The following PTPRD variants were observed in gnomAD, a reference collection of about 807,000 sequenced individuals.
PTPRD encodes receptor-type tyrosine-protein phosphatase delta.
PTPRD carries 34 observed loss-of-function variants against 214.5 expected under a neutral mutation model. That is an observed-to-expected ratio of 0.16 (90% CI 0.12 to 0.21). The LOEUF (loss-of-function observed/expected upper bound fraction) is 0.21, where lower values mean the gene tolerates loss of function less well. PTPRD is among the 10% of genes least tolerant of loss of function. The pLI is 1.00. For synonymous variants in PTPRD, 1,128 were observed against 845.7 expected (o/e 1.33, Z -5.79); for missense variants, 2,545 against 2,398.7 (o/e 1.06, Z -1.27).
chr9:8,441,050 A>G (rs1590554389), intron 34 of PTPRD, among the ~76,000 whole-genome samples: 2 of 152,138 alleles, frequency 1.3e-5, no homozygotes, highest in Non-Finnish European at 1.5e-5. Flanking sequence ...GTCTCCACAG[A>G]TGGAATGGGC....
chr9:8,337,281 A>G (rs568807228), intron 43 of PTPRD, among the ~76,000 whole-genome samples: 1 of 152,286 alleles, frequency 6.6e-6, no homozygotes, highest in Admixed American at 6.5e-5. Flanking sequence ...GTATTCCATA[A>G]AAAAGGATGA....
intron 7 of PTPRD, among the ~76,000 whole-genome samples, chr9:9,641,830 G>A (rs1422911614): frequency 1.3e-5 from 2 of 152,148 alleles, no homozygotes; most frequent in Non-Finnish European, 2.9e-5. Flanking sequence ...GAGACAAGAT[G>A]AGGGTAATCA....
chr9:8,382,641 T>C (rs2085479421), intron 37 of PTPRD, among the ~76,000 whole-genome samples: 1 of 152,182 alleles, frequency 6.6e-6, no homozygotes, highest in Non-Finnish European at 1.5e-5. Flanking sequence ...AAACCAAAAG[T>C]GTAGAACTTT....
At chr9:9,230,240 T>C (rs2099962251) in intron 9 of PTPRD, among the ~76,000 whole-genome samples, 1 of 152,082 alleles carries the variant, frequency 6.6e-6, no homozygotes, top group Non-Finnish European at 1.5e-5. Flanking sequence ...GACTGAATGA[T>C]TAGAATGATT....
intron 5 of PTPRD, among the ~76,000 whole-genome samples, chr9:9,775,445 G>A (rs1212852823): frequency 6.6e-6 from 1 of 152,034 alleles, no homozygotes; most frequent in Non-Finnish European, 1.5e-5. Context: ...CCTCATCATA[G>A]AATAAAATAA....
chr9:10,133,419 T>C (rs1309668536), intron 3 of PTPRD, among the ~76,000 whole-genome samples: 1 of 152,148 alleles, frequency 6.6e-6, no homozygotes, highest in African/African-American at 2.4e-5. Context: ...ACCTCACATC[T>C]AGTTTCAGAA....
In PTPRD at chr9:8,597,353, C is replaced by T. The variant is rs2094529141; in HGVS notation, c.352+35964G>A. ...CTGTTTTTATAAAGTAAGTTTCCTC[C>T]CCTTACCAATTATGTTTCAGTTCTA... On this transcript the variant is annotated intron_variant, in intron 14 of 45. Coordinates refer to ENST00000381196, the MANE Select transcript of PTPRD (RefSeq NM_002839.4). 3.3e-5 allele frequency among the ~76,000 whole-genome samples: 5 copies of T among 152,018 alleles called. No homozygotes were observed. The South Asian group carries it at 1.0e-3, about 32-fold the overall frequency.
At chr9:8,575,959 G>A (rs1259630218) in intron 14 of PTPRD, among the ~76,000 whole-genome samples, 1 of 152,148 alleles carries the variant, frequency 6.6e-6, no homozygotes, top group Non-Finnish European at 1.5e-5. Flanking sequence ...AAAGATTTCA[G>A]CAGAGAAATA....
chr9:9,579,176 A>G (rs948632956), intron 7 of PTPRD, among the ~76,000 whole-genome samples: 8 of 152,134 alleles, frequency 5.3e-5, no homozygotes, highest in Non-Finnish European at 8.8e-5. Context: ...AAGTAATTAT[A>G]TATTTATTAT....
At chr9:8,543,298 T>C (rs190997005) in intron 14 of PTPRD, among the ~76,000 whole-genome samples, 18 of 152,298 alleles carry the variant, frequency 1.2e-4, no homozygotes, top group African/African-American at 2.4e-4. Context: ...TGACAGCAAA[T>C]TGACAACAAA....
chr9:10,037,476 C>G lies in PTPRD; in HGVS notation c.-544-3686G>C, dbSNP rs192524164. ...ACCTTCTGCCATGAGTAAAAGCTCC[C>G]TGAGGGCTCCCCAGCCATGCTTTGG... is the stretch of plus-strand genomic sequence containing the variant. On this transcript the variant is annotated intron_variant, in intron 3 of 45. Transcript: ENST00000381196. 2.3e-3 allele frequency among the ~76,000 whole-genome samples: 349 copies of G among 151,904 alleles called. 3 individuals carry two copies. The highest frequency in any genetic ancestry group is 5.6e-3 in the South Asian group (27 of 4,812).
At chr9:9,558,874 C>G (rs2082179737) in intron 8 of PTPRD, among the ~76,000 whole-genome samples, 1 of 152,170 alleles carries the variant, frequency 6.6e-6, no homozygotes, top group South Asian at 2.1e-4. Context: ...AGGGGTGTCT[C>G]AGGCCCCATG....
intron 11 of PTPRD, among the ~76,000 whole-genome samples, chr9:8,938,249 G>C (rs893203815): frequency 2.0e-5 from 3 of 151,688 alleles, no homozygotes; most frequent in African/African-American, 7.3e-5. Flanking sequence ...TTTTAGGGGA[G>C]AGAAACAGAG....
chr9:8,478,449 T>G (rs1349739145), intron 30 of PTPRD, among the ~76,000 whole-genome samples: 1 of 152,220 alleles, frequency 6.6e-6, no homozygotes, highest in East Asian at 1.9e-4. Flanking sequence ...CAATTTTTTA[T>G]AAACATAAAA....
chr9:8,993,440 T>G (rs1429558493), intron 11 of PTPRD, among the ~76,000 whole-genome samples: 1 of 152,160 alleles, frequency 6.6e-6, no homozygotes, highest in African/African-American at 2.4e-5. Context: ...CCCTACTTTG[T>G]GTAGCGTTTT....
rs145316787 is a variant in PTPRD at position 8,651,445 on chromosome 9, C to T, written c.65-14601G>A. Among the ~76,000 whole-genome samples, 14 of 152,224 alleles carry T rather than the reference C, an allele frequency of 9.2e-5. No individual in the cohort carries two copies. The East Asian group carries it at 2.3e-3, about 25-fold the overall frequency. On this transcript the variant is annotated intron_variant, in intron 12 of 45. Transcript: ENST00000381196. ...TTGATGTTAATCGGAACCTGGCACACGGATAGAGGCTAGGGTACGATTCCT... is the reference window on the plus strand; with the variant it reads ...TTGATGTTAATCGGAACCTGGCACATGGATAGAGGCTAGGGTACGATTCCT...
At chr9:8,933,098 A>G (rs2098964475) in intron 11 of PTPRD, among the ~76,000 whole-genome samples, 1 of 151,914 alleles carries the variant, frequency 6.6e-6, no homozygotes, top group African/African-American at 2.4e-5. Flanking sequence ...ACAGTCCTTC[A>G]TGGCTCCCCT....
In PTPRD at chr9:9,091,225, C is replaced by A. The variant is rs868739100; in HGVS notation, c.-142-72490G>T. On this transcript the variant is annotated intron_variant, in intron 10 of 45. Transcript: ENST00000381196. ...TAGACCTGCGGGTGCTGCCCCACGT[C>A]CCCCACCAAAGCCCATGTAAGGAGC... The A allele has an allele frequency of 1.3e-4, 172 of 1,353,376 alleles. No homozygotes were observed. In the Middle Eastern group the frequency reaches 2.3e-3, roughly 18 times the overall value. 83.8% of individuals were successfully genotyped at this position (1,353,376 alleles called of 1,614,324 possible).
chr9:8,688,673 T>C (rs2097742235), intron 12 of PTPRD, among the ~76,000 whole-genome samples: 1 of 152,168 alleles, frequency 6.6e-6, no homozygotes, highest in African/African-American at 2.4e-5. Flanking sequence ...ACACGTATTC[T>C]TCAGGTTTCT....
Sources: gnomAD v4.1 joint callset for allele counts (sites outside exome capture counted in the v4.1 genomes callset) on GRCh38, gnomAD v4.1.1 for gene constraint, MANE v1.5 for transcripts, NCBI Gene and HGNC (gene_info 2026-07-23, HGNC 2026-07-21) for gene names.